SPATC1: variants seen among roughly 807,000 people sequenced by gnomAD.
The protein encoded by SPATC1 is spermatogenesis and centriole associated 1, also known as speriolin.
A neutral mutation model predicts 36.5 loss-of-function variants in SPATC1; 35 were observed. The ratio of observed to expected loss-of-function variants is 0.96; its 90% CI spans 0.73 to 1.27. SPATC1 has a LOEUF of 1.27. SPATC1 is among the 50% of genes most tolerant of loss of function. The pLI, the probability that SPATC1 is intolerant of heterozygous loss-of-function variation, is 0.00. For missense variants in SPATC1, 779 were observed against 796.0 expected (o/e 0.98, Z 0.26); for synonymous variants, 361 against 353.6 (o/e 1.02, Z -0.24).
rs1554753301 is a variant in SPATC1, at chr8:144,016,912, T to C, written c.211+4186T>C. On this transcript the variant is annotated intron_variant, in intron 1 of 4. Coordinates refer to ENST00000377470, the MANE Select transcript of SPATC1 (RefSeq NM_198572.3). This position sits in a 1 kb window ranked among gnomAD's most constrained non-coding sequence, Gnocchi z 4.5. ...CCTTGGCCTCCCAAAGTGCTGGGAA[T>C]ACAGGCATGAGCCACCACACCCGCC... is the stretch of plus-strand genomic sequence containing the variant. Among the ~76,000 whole-genome samples the C allele has an allele frequency of 6.6e-6, 1 of 152,208 alleles. No homozygotes were observed. Among genetic ancestry groups the C allele is most frequent in the Non-Finnish European group, 1.5e-5 (1 of 68,042 alleles).
At chr8:144,037,278 A>G (rs1340634722) in intron 1 of SPATC1, among the ~76,000 whole-genome samples, 27 of 149,000 alleles carry the variant, frequency 1.8e-4, no homozygotes, top group Middle Eastern at 3.5e-3. Flanking sequence ...TGGGAAGTGA[A>G]GAGCCCCTCT....
At chr8:144,030,372 T>C (rs1343424220) in intron 1 of SPATC1, among the ~76,000 whole-genome samples, 3 of 152,192 alleles carry the variant, frequency 2.0e-5, no homozygotes, top group Non-Finnish European at 2.9e-5. Flanking sequence ...TATGTATGTA[T>C]GTATTGAGAC....
chr8:144,012,437 C>T lies in SPATC1; in HGVS notation c.-79C>T. 2 of 1,316,682 alleles carry T rather than the reference C, an allele frequency of 1.5e-6. No individual in the cohort carries two copies. The highest frequency in any genetic ancestry group is 2.1e-6 in the Non-Finnish European group (2 of 939,010). 81.6% of individuals were successfully genotyped at this position (1,316,682 alleles called of 1,614,324 possible). ...GCAGACTCTGCACCCTCCTTCAGCC[C>T]AGGCAAGGCCTGGGGCCCTGGGCAG... On this transcript the variant is annotated 5_prime_UTR_variant, in exon 1 of 5. Coordinates refer to ENST00000377470, the MANE Select transcript of SPATC1 (RefSeq NM_198572.3).
In SPATC1 at chr8:144,045,663, C is replaced by T. The variant is rs1439089696; in HGVS notation, c.1447-964C>T. Among the ~76,000 whole-genome samples the T allele has an allele frequency of 2.0e-5, 3 of 152,202 alleles. No individual in the cohort carries two copies. Among genetic ancestry groups the T allele is most frequent in the Non-Finnish European group, 4.4e-5 (3 of 68,022 alleles). On this transcript the variant is annotated intron_variant, in intron 4 of 4. Transcript: ENST00000377470. The surrounding 1 kb of genome is among the most constrained non-coding windows in gnomAD (Gnocchi z 5.2). ...AGCCCACCCAACTCCACTTTAGACCCGTGGCTCTGTGGGCCTGTGCAGAGA... is the reference window on the plus strand; with the variant it reads ...AGCCCACCCAACTCCACTTTAGACCTGTGGCTCTGTGGGCCTGTGCAGAGA...
chr8:144,029,253 T>G, intron 1 of SPATC1, among the ~76,000 whole-genome samples: 1 of 144,708 alleles, frequency 6.9e-6, no homozygotes, highest in South Asian at 2.2e-4. Context: ...CATTGAATTG[T>G]CTTTGCACAC....
chr8:144,044,815 G>A (rs1303300722), intron 4 of SPATC1, among the ~76,000 whole-genome samples: 1 of 152,112 alleles, frequency 6.6e-6, no homozygotes, highest in Non-Finnish European at 1.5e-5. Flanking sequence ...TGGGCGTGGA[G>A]GCATACGCCT....
Position 144,040,472 on chromosome 8 carries a change from TGTGGTGG to T in SPATC1, c.766+21_766+27del. 1 of 1,583,392 alleles carries T rather than the reference TGTGGTGG, an allele frequency of 6.3e-7. No individual in the cohort carries two copies. The highest frequency in any genetic ancestry group is 8.6e-7 in the Non-Finnish European group (1 of 1,164,612). On this transcript the variant is annotated intron_variant, in intron 2 of 4. Coordinates refer to ENST00000377470, the MANE Select transcript of SPATC1 (RefSeq NM_198572.3). ...CACTGCCACCACCAAAGGTAACAGG[TGTGGTGG>T]GTGGTGGGTGGCAGAGTGGGGGGGG...
upstream of SPATC1, among the ~76,000 whole-genome samples, chr8:144,011,319 G>C (rs2133087456): frequency 6.6e-6 from 1 of 152,256 alleles, no homozygotes; most frequent in Middle Eastern, 3.4e-3. The surrounding 1 kb of genome is among the most constrained non-coding windows in gnomAD (Gnocchi z 4.5). Context: ...CCTGGGGCCA[G>C]AGTGACTGAG....
At chr8:144,044,884 G>A (rs1020575193) in intron 4 of SPATC1, among the ~76,000 whole-genome samples, 3 of 152,190 alleles carry the variant, frequency 2.0e-5, no homozygotes, top group Non-Finnish European at 4.4e-5. Context: ...GGGAGGCGGA[G>A]GTTGCAGTGA....
chr8:144,040,976 C>T lies in SPATC1; in HGVS notation c.1175C>T (p.Thr392Ile), dbSNP rs1835076625. The T allele has an allele frequency of 6.2e-7, 1 of 1,612,338 alleles. No homozygotes were observed. Among genetic ancestry groups the T allele is most frequent in the Non-Finnish European group, 8.5e-7 (1 of 1,179,806 alleles). Residue 392 changes from threonine (T) to isoleucine (I), a missense_variant, in exon 3 of 5, where the codon ACC (threonine) becomes ATC (isoleucine). Coordinates refer to ENST00000377470, the MANE Select transcript of SPATC1 (RefSeq NM_198572.3). ...CACAACGCCCACTCCCCACCTCGTA[C>T]CTCATCCTCCCCGGCTTCAGTCAAT... ...PPHNAHSPPR[T>I]SSSPASVNDS...
intron 1 of SPATC1, among the ~76,000 whole-genome samples, chr8:144,029,644 A>G (rs986553050): frequency 5.9e-5 from 9 of 152,188 alleles, no homozygotes; most frequent in African/African-American, 1.9e-4. Context: ...TCCATCTGTT[A>G]TTGATTTCTA....
intron 1 of SPATC1, among the ~76,000 whole-genome samples, chr8:144,034,235 G>A (rs1834853988): frequency 6.6e-6 from 1 of 152,092 alleles, no homozygotes; most frequent in South Asian, 2.1e-4. Flanking sequence ...CAAGAGGACT[G>A]GGCATGCACG....
chr8:144,041,744 G>T (rs1835107731), intron 4 of SPATC1, among the ~76,000 whole-genome samples: 1 of 152,208 alleles, frequency 6.6e-6, no homozygotes, highest in Non-Finnish European at 1.5e-5. Flanking sequence ...GTGTGCGGCT[G>T]CTGGGCAGGG....
In SPATC1 at chr8:144,012,441, C is replaced by T. The variant is rs1241776970; in HGVS notation, c.-75C>T. 2.7e-5 allele frequency: 36 copies of T among 1,354,050 alleles called. No homozygotes were observed. The highest frequency in any genetic ancestry group is 3.7e-5 in the Non-Finnish European group (36 of 971,632). The allele number at this position is 1,354,050 out of a possible 1,614,324, so 83.9% of individuals were successfully genotyped here. A position where few individuals can be genotyped will look rare whatever the true frequency, so the allele number is the denominator to read the frequency against. On this transcript the variant is annotated 5_prime_UTR_variant, in exon 1 of 5. Coordinates refer to ENST00000377470, the MANE Select transcript of SPATC1 (RefSeq NM_198572.3). ...ACTCTGCACCCTCCTTCAGCCCAGG[C>T]AAGGCCTGGGGCCCTGGGCAGCCTC...
intron 1 of SPATC1, among the ~76,000 whole-genome samples, chr8:144,024,984 C>G (rs984594614): frequency 8.4e-6 from 1 of 118,952 alleles, no homozygotes; most frequent in East Asian, 2.4e-4. Context: ...AGCCTCCCCC[C>G]TCAGGACCCT....
At chr8:144,015,342 C>T (rs1182663776) in intron 1 of SPATC1, among the ~76,000 whole-genome samples, 4 of 151,362 alleles carry the variant, frequency 2.6e-5, no homozygotes, top group Admixed American at 1.3e-4. Context: ...TGAGCCACCA[C>T]GCCCAGCACA....
rs782379736 is a variant in SPATC1, at chr8:144,046,748, C to T, written c.1568C>T (p.Ala523Val). ...GGCTACAACGGGCGGGTGCACCCTG[C>T]GCTGACCGAGCAGCTGGTGAACGCT... The part of the protein sequence containing the change: ...SLGYNGRVHP[A>V]LTEQLVNAYG... Residue 523 changes from alanine (A) to valine (V), a missense_variant, in exon 5 of 5, where the codon GCG (alanine) becomes GTG (valine). Ala to Val is a moderately conservative substitution (Grantham distance 64). Coordinates refer to ENST00000377470, the MANE Select transcript of SPATC1 (RefSeq NM_198572.3). The surrounding 1 kb of genome is among the most constrained non-coding windows in gnomAD (Gnocchi z 6.6). 1.9e-5 allele frequency: 30 copies of T among 1,611,928 alleles called. No individual in the cohort carries two copies. The highest frequency in any genetic ancestry group is 8.9e-5 in the East Asian group (4 of 44,884).
At chr8:144,023,210 C>T (rs1195149313) in intron 1 of SPATC1, among the ~76,000 whole-genome samples, 14 of 147,840 alleles carry the variant, frequency 9.5e-5, no homozygotes, top group Non-Finnish European at 1.7e-4. Flanking sequence ...CCCCTGAGGA[C>T]CCTCTCCCCT....
chr8:144,032,400 C>G (rs1474434534), intron 1 of SPATC1, among the ~76,000 whole-genome samples: 1 of 152,086 alleles, frequency 6.6e-6, no homozygotes, highest in Admixed American at 6.5e-5. Context: ...GCCTCAGCCT[C>G]CCGAGTTGCT....
Sources: gnomAD v4.1 joint callset for allele counts (sites outside exome capture counted in the v4.1 genomes callset) on GRCh38, gnomAD v4.1.1 for gene constraint, Gnocchi (gnomAD v3.1) non-coding constraint, MANE v1.5 for transcripts, NCBI Gene and HGNC (gene_info 2026-07-23, HGNC 2026-07-21) for gene names.